LYPD6: variants seen among roughly 807,000 people sequenced by gnomAD.
The protein encoded by LYPD6 is ly6/PLAUR domain-containing protein 6.
A neutral mutation model predicts 22.7 loss-of-function variants in LYPD6; 15 were observed. The observed-to-expected ratio is 0.66, with a 90% CI of 0.44 to 1.02. The LOEUF (loss-of-function observed/expected upper bound fraction) is 1.02, where lower values mean the gene tolerates loss of function less well. LYPD6 is among the 50% of genes least tolerant of loss of function. The probability of loss-of-function intolerance (pLI) is 0.00; values close to 1 mark genes in which losing one functional copy is unlikely to be tolerated. For synonymous variants in LYPD6, 72 were observed against 77.5 expected (o/e 0.93, Z 0.37); for missense variants, 189 against 208.4 (o/e 0.91, Z 0.57).
At chr2:149,415,437 A>G (rs1274233513) in intron 1 of LYPD6, among the ~76,000 whole-genome samples, 1 of 152,036 alleles carries the variant, frequency 6.6e-6, no homozygotes, top group African/African-American at 2.4e-5. Flanking sequence ...AGGGGCAAAG[A>G]AGGGGGCTAA....
intron 1 of LYPD6, among the ~76,000 whole-genome samples, chr2:149,429,727 T>C (rs1175490380): frequency 6.6e-6 from 1 of 152,256 alleles, no homozygotes; most frequent in Non-Finnish European, 1.5e-5. Context: ...TCTGGAAGTT[T>C]CTGTGCTGTT....
At chr2:149,452,524 G>T (rs1285280145) in intron 3 of LYPD6, among the ~76,000 whole-genome samples, 1 of 152,180 alleles carries the variant, frequency 6.6e-6, no homozygotes, top group Non-Finnish European at 1.5e-5. Context: ...CACTGCTATG[G>T]AAATTCTAAG....
intron 1 of LYPD6, among the ~76,000 whole-genome samples, chr2:149,343,624 GGGACTGAGATGGGGAA>G (rs1681202013): frequency 6.6e-6 from 1 of 152,166 alleles, no homozygotes; most frequent in Admixed American, 6.5e-5. Flanking sequence ...TCCAAGCAAG[GGGACTGAGATGGGGAA>G]ATAGAGGAGG....
At chr2:149,455,087 G>A (rs1375290181) in intron 3 of LYPD6, among the ~76,000 whole-genome samples, 1 of 152,020 alleles carries the variant, frequency 6.6e-6, no homozygotes, top group Non-Finnish European at 1.5e-5. Flanking sequence ...TCTTTTCTCT[G>A]GTACCTTGCT....
At chr2:149,465,814 C>T (rs1401529132) in intron 3 of LYPD6, among the ~76,000 whole-genome samples, 2 of 152,144 alleles carry the variant, frequency 1.3e-5, no homozygotes, top group African/African-American at 4.8e-5. Context: ...ATGAAGTTCT[C>T]TTTCCCATTT....
intron 1 of LYPD6, among the ~76,000 whole-genome samples, chr2:149,344,997 G>A (rs1279999859): frequency 1.3e-5 from 2 of 152,052 alleles, no homozygotes; most frequent in East Asian, 1.9e-4. Flanking sequence ...GCAGTGTGCT[G>A]TGACTGCACC....
chr2:149,375,936 C>G (rs1262909742), intron 1 of LYPD6, among the ~76,000 whole-genome samples: 1 of 152,202 alleles, frequency 6.6e-6, no homozygotes, highest in Non-Finnish European at 1.5e-5. Context: ...AATGCTACCA[C>G]TGCAAAATTA....
At chr2:149,347,159 GAGA>G (rs572439315) in intron 1 of LYPD6, among the ~76,000 whole-genome samples, 53 of 151,804 alleles carry the variant, frequency 3.5e-4, no homozygotes, top group African/African-American at 1.0e-3. Context: ...GGGCGAGAGA[GAGA>G]AGAAGAAGAG....
intron 1 of LYPD6, among the ~76,000 whole-genome samples, chr2:149,435,248 C>A (rs948731271): frequency 6.6e-6 from 1 of 152,184 alleles, no homozygotes; most frequent in African/African-American, 2.4e-5. Flanking sequence ...GTTGTATAAG[C>A]CCCCCAGTCT....
chr2:149,341,269 T>A (rs1681155665), intron 1 of LYPD6, among the ~76,000 whole-genome samples: 1 of 152,146 alleles, frequency 6.6e-6, no homozygotes, highest in South Asian at 2.1e-4. Flanking sequence ...TGTCCTTCCA[T>A]CCATTATTCC....
chr2:149,397,207 G>T (rs1428884519), intron 1 of LYPD6, among the ~76,000 whole-genome samples: 2 of 152,168 alleles, frequency 1.3e-5, no homozygotes, highest in African/African-American at 4.8e-5. Context: ...CTATGAGTTG[G>T]CTGGGTTTAG....
chr2:149,374,002 C>G (rs1681865379), intron 1 of LYPD6, among the ~76,000 whole-genome samples: 1 of 152,044 alleles, frequency 6.6e-6, no homozygotes, highest in Admixed American at 6.6e-5. Context: ...TGCCCCCATG[C>G]AGGAATGAAC....
At chr2:149,409,630 TGTG>T (rs1394736709) in intron 1 of LYPD6, among the ~76,000 whole-genome samples, 1 of 151,976 alleles carries the variant, frequency 6.6e-6, no homozygotes, top group Non-Finnish European at 1.5e-5. Flanking sequence ...TTGCAGCTGT[TGTG>T]GGGGTTGGGA....
intron 1 of LYPD6, among the ~76,000 whole-genome samples, chr2:149,344,370 AAGC>A (rs1468432503): frequency 6.6e-6 from 1 of 152,224 alleles, no homozygotes; most frequent in Non-Finnish European, 1.5e-5. Flanking sequence ...GGCAGTCAAA[AAGC>A]AAACAATAAA....
intron 4 of LYPD6, among the ~76,000 whole-genome samples, chr2:149,469,577 G>A (rs1681284389): frequency 6.6e-6 from 1 of 152,162 alleles, no homozygotes; most frequent in Non-Finnish European, 1.5e-5. Context: ...TAAGAAGGCA[G>A]ACACCTAATT....
chr2:149,485,922 A>G, the LYPD6 span, among the ~76,000 whole-genome samples: 1 of 152,170 alleles, frequency 6.6e-6, no homozygotes, highest in African/African-American at 2.4e-5. Context: ...CAGGGTCACC[A>G]ACTGGTGAAG....
intron 1 of LYPD6, among the ~76,000 whole-genome samples, chr2:149,361,402 G>C (rs1007505577): frequency 4.6e-5 from 7 of 152,150 alleles, no homozygotes; most frequent in Non-Finnish European, 8.8e-5. Context: ...TCTGCTTTTA[G>C]AGCTTCTCCT....
intron 3 of LYPD6, among the ~76,000 whole-genome samples, chr2:149,456,742 G>T (rs2105170186): frequency 6.6e-6 from 1 of 152,276 alleles, no homozygotes; most frequent in East Asian, 1.9e-4. Flanking sequence ...TCAATTTCTA[G>T]CCTCCAGGAC....
Position 149,473,424 on chromosome 2 carries a change from CTT to C in LYPD6, c.*2577_*2578del, listed in dbSNP as rs1681388463. ...GTCCGGGACTGGTCAGCCACTCTGA[CTT>C]TTCTACCACATTAAATTCTCCATTA... On this transcript the variant is annotated 3_prime_UTR_variant, in exon 5 of 5. Transcript: ENST00000334166. The C allele has an allele frequency of 6.6e-6, 1 of 152,640 alleles. No homozygotes were observed. The highest frequency in any genetic ancestry group is 1.5e-5 in the Non-Finnish European group (1 of 68,042). The allele number at this position is 152,640 out of a possible 1,614,324, so 9.5% of individuals were successfully genotyped here.
Sources: allele counts gnomAD v4.1 joint callset (sites outside exome capture counted in the v4.1 genomes callset), GRCh38; gene constraint gnomAD v4.1.1; transcripts MANE v1.5; gene names NCBI Gene and HGNC (gene_info 2026-07-23, HGNC 2026-07-21).